DCP1B: variants seen among roughly 807,000 people sequenced by gnomAD.
DCP1B encodes the protein decapping mRNA 1B, also known as mRNA-decapping enzyme 1B.
Under a neutral mutation model 60.5 loss-of-function variants are expected in DCP1B, and 47 were observed. The observed-to-expected ratio is 0.78, with a 90% CI of 0.61 to 0.99. DCP1B has a LOEUF of 0.99. Among genes scored for constraint, DCP1B ranks in the 50% least tolerant of loss-of-function variants. DCP1B has a pLI of 0.00. For missense variants in DCP1B, 725 were observed against 756.8 expected (o/e 0.96, Z 0.49); for synonymous variants, 267 against 280.3 (o/e 0.95, Z 0.47).
intron 3 of DCP1B, among the ~76,000 whole-genome samples, chr12:1,984,049 C>T (rs2036930823): frequency 6.6e-6 from 1 of 151,990 alleles, no homozygotes; most frequent in Non-Finnish European, 1.5e-5. Context: ...CTAGACACCC[C>T]AGTTTTCTTT....
intron 2 of DCP1B, among the ~76,000 whole-genome samples, chr12:1,996,616 TAAAAAAAAAAAAAAAAAAAAAAAAAAAA>T (rs78563698): frequency 5.3e-5 from 1 of 18,832 alleles, no homozygotes; most frequent in Non-Finnish European, 9.5e-5. Flanking sequence ...GCTGATGAGC[TAAAAAAAAAAAAAAAAAAAAAAAAAAAA>T]AAAAAAAAAA....
intron 3 of DCP1B, among the ~76,000 whole-genome samples, chr12:1,985,298 A>G (rs1320089371): frequency 6.6e-6 from 1 of 152,180 alleles, no homozygotes; most frequent in Non-Finnish European, 1.5e-5. Context: ...TTCATTTTTA[A>G]AAAACATCTT....
chr12:1,988,233 C>A (rs112597841), intron 3 of DCP1B, among the ~76,000 whole-genome samples: 4,165 of 152,302 alleles, frequency 0.027, 94 homozygotes, highest in Middle Eastern at 0.054. Context: ...ATTGTTACCT[C>A]TGTGCCATGT....
intron 3 of DCP1B, chr12:1,970,787 C>A: frequency 5.0e-6 from 1 of 200,488 alleles, no homozygotes. Flanking sequence ...CCCATCCCTA[C>A]ATAGGCAGGG....
At chr12:2,000,999 T>C (rs980462331) in intron 1 of DCP1B, among the ~76,000 whole-genome samples, 40 of 150,674 alleles carry the variant, frequency 2.7e-4, no homozygotes, top group Non-Finnish European at 4.6e-4. Flanking sequence ...GTCACGCCAT[T>C]GCACTCCAGC....
rs758381931 is a variant in DCP1B, at chr12:1,948,297, G to A, written c.1773+789C>T. Among the ~76,000 whole-genome samples the A allele has an allele frequency of 1.6e-4, 24 of 152,338 alleles. No individual in the cohort carries two copies. The highest frequency in any genetic ancestry group is 3.4e-3 in the Middle Eastern group (1 of 294). On this transcript the variant is annotated intron_variant, in intron 8 of 8. Transcript: ENST00000280665. This position sits in a 1 kb window ranked among gnomAD's most constrained non-coding sequence, Gnocchi z 4.8. ...GTGAACGTGGCCCACGGGAGAGTACGTGGGAAGTGGCACTCGGGGGCCAGG... is the reference window on the plus strand; with the variant it reads ...GTGAACGTGGCCCACGGGAGAGTACATGGGAAGTGGCACTCGGGGGCCAGG...
chr12:1,970,928 C>A, intron 3 of DCP1B: 1 of 377,468 alleles, frequency 2.6e-6, no homozygotes, highest in Non-Finnish European at 4.8e-6. Flanking sequence ...TACGATACGG[C>A]CATGTCAACT....
intron 2 of DCP1B, among the ~76,000 whole-genome samples, chr12:1,993,750 C>CT (rs2040112277): frequency 1.3e-5 from 2 of 151,716 alleles, no homozygotes; most frequent in Non-Finnish European, 2.9e-5. Flanking sequence ...TTAAAGAATA[C>CT]TTTTTAAAAG....
chr12:1,999,556 A>T (rs537195115), intron 1 of DCP1B, among the ~76,000 whole-genome samples: 10 of 152,002 alleles, frequency 6.6e-5, no homozygotes, highest in Non-Finnish European at 1.3e-4. Context: ...CCTTGCCTCT[A>T]CAAAACAAAA....
chr12:1,960,087 G>GCATT (rs1182151617), intron 5 of DCP1B, among the ~76,000 whole-genome samples: 1 of 152,120 alleles, frequency 6.6e-6, no homozygotes, highest in African/African-American at 2.4e-5. Flanking sequence ...AGAGATAGCT[G>GCATT]CATTCCTGTG....
downstream of DCP1B, among the ~76,000 whole-genome samples, chr12:1,944,532 T>C (rs1446562467): frequency 1.3e-5 from 2 of 152,164 alleles, no homozygotes; most frequent in African/African-American, 4.8e-5. Context: ...GACTTCAAAC[T>C]ATACTACAAG....
chr12:1,959,297 C>T (rs1056005750), intron 5 of DCP1B, among the ~76,000 whole-genome samples: 3 of 152,208 alleles, frequency 2.0e-5, no homozygotes, highest in Non-Finnish European at 4.4e-5. Flanking sequence ...GAAGAGATGA[C>T]CTATGGAGTG....
intron 3 of DCP1B, among the ~76,000 whole-genome samples, chr12:1,980,661 T>C (rs1250269516): frequency 2.1e-5 from 2 of 95,124 alleles, no homozygotes; most frequent in Non-Finnish European, 4.9e-5. Context: ...TTAAATCCAG[T>C]GTTTGGTAAT....
At chr12:1,967,559 C>T (rs2031335874) in intron 4 of DCP1B, among the ~76,000 whole-genome samples, 1 of 152,182 alleles carries the variant, frequency 6.6e-6, no homozygotes, top group Non-Finnish European at 1.5e-5. Flanking sequence ...TGCTAATTTA[C>T]ATATGAAAAT....
At chr12:1,965,325 C>T (rs1462767711) in intron 5 of DCP1B, among the ~76,000 whole-genome samples, 1 of 152,012 alleles carries the variant, frequency 6.6e-6, no homozygotes, top group Admixed American at 6.6e-5. Context: ...TACATGAAGG[C>T]TATTGTATAT....
chr12:1,952,554 C>T lies in DCP1B; in HGVS notation c.1386G>A (p.Glu462=). The T allele has an allele frequency of 1.9e-6, 3 of 1,614,228 alleles. No individual in the cohort carries two copies. The highest frequency in any genetic ancestry group is 1.1e-5 in the South Asian group (1 of 91,090). ...LLKKLQIVQQ[E]QQLHASNRPA... ...GCCGGTTAGAGGCATGCAGCTGCTG[C>T]TCCTGCTGTACAATCTGAAGCTTCT... Residue 462 remains glutamate (E), a synonymous_variant, in exon 7 of 9, where the codon GAG becomes GAA. Transcript: ENST00000280665.
rs765803034 is a variant in DCP1B, at chr12:1,952,640, G to A, written c.1300C>T (p.Leu434Phe). ...CCAGTCTGACTACCAGAGATGGGGA[G>A]TGTTTGTCTTGGGAGTGTGGACTGT... is the stretch of plus-strand genomic sequence containing the variant. The part of the protein sequence containing the change: ...REQSTLPRQT[L>F]PISGSQTGSS... Residue 434 changes from leucine to phenylalanine, a missense_variant, in exon 7 of 9, where the codon CTC (leucine) becomes TTC (phenylalanine). Leu to Phe is a conservative substitution (Grantham distance 22). Transcript: ENST00000280665. The A allele has an allele frequency of 6.2e-7, 1 of 1,614,202 alleles. No individual in the cohort carries two copies. The highest frequency in any genetic ancestry group is 8.5e-7 in the Non-Finnish European group (1 of 1,180,042).
intron 4 of DCP1B, among the ~76,000 whole-genome samples, chr12:1,966,320 T>TA (rs1427537220): frequency 1.3e-5 from 2 of 152,170 alleles, no homozygotes; most frequent in Non-Finnish European, 2.9e-5. Context: ...AGGGGCCATT[T>TA]AAAAAACCAC....
intron 1 of DCP1B, 55 bp downstream of exon 1, chr12:2,004,227 C>T (rs747593881): frequency 6.2e-7 from 1 of 1,601,176 alleles, no homozygotes; most frequent in South Asian, 1.1e-5. Context: ...GAGTCTGACG[C>T]CCCCCGCCTC....
Sources: allele counts gnomAD v4.1 joint callset (sites outside exome capture counted in the v4.1 genomes callset), GRCh38; gene constraint gnomAD v4.1.1; non-coding constraint Gnocchi (gnomAD v3.1); transcripts MANE v1.5; gene names NCBI Gene and HGNC (gene_info 2026-07-23, HGNC 2026-07-21).